E2F3: variants seen among roughly 807,000 people sequenced by gnomAD.
E2F3 encodes E2F transcription factor 3, also known as transcription factor E2F3.
Under a neutral mutation model 44.4 loss-of-function variants are expected in E2F3, and 11 were observed. The observed-to-expected ratio is 0.25, with a 90% CI of 0.16 to 0.41. The LOEUF is 0.41. Ranked by LOEUF, E2F3 falls within the 10% of genes least tolerant of loss-of-function variation. The pLI, the probability that E2F3 is intolerant of heterozygous loss-of-function variation, is 1.00. For synonymous variants in E2F3, 249 were observed against 253.0 expected (o/e 0.98, Z 0.15); for missense variants, 487 against 583.6 (o/e 0.83, Z 1.70).
At chr6:20,437,177 A>C (rs952726449) in intron 1 of E2F3, among the ~76,000 whole-genome samples, 2 of 152,254 alleles carry the variant, frequency 1.3e-5, no homozygotes, top group Admixed American at 6.5e-5. Flanking sequence ...ACTGAGAAAT[A>C]GAAGTCCCTT....
rs1759318884 is a variant in E2F3 at position 20,401,997 on chromosome 6, T to C, written c.-236T>C. ...CCGCCCCCGACGCCTCCATCCCCGC[T>C]TGGGGCCCGATATCCGTGCGGCCGG... On this transcript the variant is annotated 5_prime_UTR_variant, in exon 1 of 7. Transcript: ENST00000346618. 7 of 586,898 alleles carry C rather than the reference T, an allele frequency of 1.2e-5. No homozygotes were observed. Among genetic ancestry groups the C allele is most frequent in the South Asian group, 4.5e-5 (1 of 22,010 alleles). 36.4% of individuals were successfully genotyped at this position (586,898 alleles called of 1,614,324 possible).
intron 1 of E2F3, among the ~76,000 whole-genome samples, chr6:20,472,068 A>ACACACACT (rs1320530650): frequency 4.1e-5 from 6 of 147,628 alleles, no homozygotes; most frequent in African/African-American, 1.3e-4. Flanking sequence ...ACACACACAC[A>ACACACACT]CTCACATCTA....
Position 20,492,351 on chromosome 6 carries a change from C to T in E2F3, c.*1921C>T, listed in dbSNP as rs558333687. 1.3e-5 allele frequency: 3 copies of T among 233,572 alleles called. No homozygotes were observed. The highest frequency in any genetic ancestry group is 6.6e-5 in the African/African-American group (3 of 45,424). The allele number at this position is 233,572 out of a possible 1,614,324, so 14.5% of individuals were successfully genotyped here. On this transcript the variant is annotated 3_prime_UTR_variant, in exon 7 of 7. Coordinates refer to ENST00000346618, the MANE Select transcript of E2F3 (RefSeq NM_001949.5). ...CCTTTTTTTCTTCTTCAGCCTCCAT[C>T]CCTGGCCTCCTCCCCTCACACACAC...
intron 2 of E2F3, 42 bp downstream of exon 2, chr6:20,479,999 G>T (rs1408093797): frequency 1.3e-6 from 2 of 1,556,708 alleles, no homozygotes; most frequent in Non-Finnish European, 1.7e-6. Flanking sequence ...CCTTGGTATG[G>T]CATTTCCAAG....
At chr6:20,463,039 T>G (rs745920160) in intron 1 of E2F3, among the ~76,000 whole-genome samples, 1 of 151,776 alleles carries the variant, frequency 6.6e-6, no homozygotes, top group Non-Finnish European at 1.5e-5. Context: ...ATCCTCCCAC[T>G]TTAACCTCTA....
chr6:20,415,064 C>A (rs1253186949), intron 1 of E2F3, among the ~76,000 whole-genome samples: 2 of 152,198 alleles, frequency 1.3e-5, no homozygotes, highest in Non-Finnish European at 2.9e-5. Flanking sequence ...CTTGTCAAAT[C>A]TGAACTCTCG....
intron 1 of E2F3, chr6:20,440,288 A>G (rs1427084375): frequency 6.6e-6 from 1 of 152,234 alleles, no homozygotes; most frequent in African/African-American, 2.4e-5. Flanking sequence ...GTTATCCAAA[A>G]AAATTAAAAT....
chr6:20,472,357 G>T (rs1055602374), intron 1 of E2F3, among the ~76,000 whole-genome samples: 14 of 152,142 alleles, frequency 9.2e-5, no homozygotes, highest in Non-Finnish European at 1.8e-4. Context: ...GGGTGTCATG[G>T]TCACTGACAA....
chr6:20,480,585 T>G (rs1055444128), intron 2 of E2F3, among the ~76,000 whole-genome samples: 1 of 152,244 alleles, frequency 6.6e-6, no homozygotes, highest in Non-Finnish European at 1.5e-5. Context: ...ATTAAAACCT[T>G]GACCTGTGCA....
intron 1 of E2F3, among the ~76,000 whole-genome samples, chr6:20,420,500 G>A (rs1364355413): frequency 2.0e-5 from 3 of 151,948 alleles, no homozygotes; most frequent in Admixed American, 2.0e-4. Context: ...GATATTGCAG[G>A]TCTGATTCCA....
Position 20,491,460 on chromosome 6 carries a change from C to A in E2F3, c.*1030C>A. ...CATTCCCAGGAGGGGGAGCTTGGAG[C>A]GAGTCAGTCCTGGGGCTTGCTGACA... On this transcript the variant is annotated 3_prime_UTR_variant, in exon 7 of 7. Coordinates refer to ENST00000346618, the MANE Select transcript of E2F3 (RefSeq NM_001949.5). 1 of 223,136 alleles carries A rather than the reference C, an allele frequency of 4.5e-6. No homozygotes were observed. The highest frequency in any genetic ancestry group is 9.0e-6 in the Non-Finnish European group (1 of 111,434). The allele number at this position is 223,136 out of a possible 1,614,324, so 13.8% of individuals were successfully genotyped here.
In E2F3 at chr6:20,472,635, C is replaced by A. The variant is rs542978625; in HGVS notation, c.394-7211C>A. ...GAACCATGATCACACCACCGCCCTCCAGCTTGGGTAACAAAGCTAGACCCT... is the reference window on the plus strand; with the variant it reads ...GAACCATGATCACACCACCGCCCTCAAGCTTGGGTAACAAAGCTAGACCCT... On this transcript the variant is annotated intron_variant, in intron 1 of 6. Transcript: ENST00000346618. Among the ~76,000 whole-genome samples, 40 of 152,212 alleles carry A rather than the reference C, an allele frequency of 2.6e-4. No individual in the cohort carries two copies. The South Asian group carries it at 2.7e-3, about 10-fold the overall frequency.
At chr6:20,485,086 G>A (rs944798096) in intron 4 of E2F3, among the ~76,000 whole-genome samples, 3 of 151,788 alleles carry the variant, frequency 2.0e-5, no homozygotes, top group African/African-American at 7.3e-5. Context: ...TATACTACCT[G>A]CTGAAATGCC....
At chr6:20,460,585 C>A (rs1018707348) in intron 1 of E2F3, among the ~76,000 whole-genome samples, 11 of 152,082 alleles carry the variant, frequency 7.2e-5, no homozygotes, top group African/African-American at 2.4e-4. Flanking sequence ...TTTTAACTTA[C>A]CCCTGTTGAT....
At chr6:20,464,603 C>A (rs759129700) in intron 1 of E2F3, among the ~76,000 whole-genome samples, 23 of 152,202 alleles carry the variant, frequency 1.5e-4, no homozygotes, top group Non-Finnish European at 2.6e-4. Context: ...CTGCTCTACG[C>A]CCTGTGGCCT....
At chr6:20,430,270 T>C (rs530564366) in intron 1 of E2F3, among the ~76,000 whole-genome samples, 1 of 152,212 alleles carries the variant, frequency 6.6e-6, no homozygotes, top group Non-Finnish European at 1.5e-5. Flanking sequence ...TTGTTTGAAA[T>C]TCTAATTTAA....
chr6:20,457,827 C>A (rs1335440783), intron 1 of E2F3, among the ~76,000 whole-genome samples: 1 of 152,128 alleles, frequency 6.6e-6, no homozygotes, highest in Non-Finnish European at 1.5e-5. Flanking sequence ...TCATCCCTTT[C>A]CTGCAGCAAC....
rs565426115 is a variant in E2F3, at chr6:20,486,205, G to A, written c.885-484G>A. Among the ~76,000 whole-genome samples, 8 of 152,242 alleles carry A rather than the reference G, an allele frequency of 5.3e-5. No homozygotes were observed. In the South Asian group the frequency reaches 1.0e-3, roughly 20 times the overall value. ...GATAAAGCTATTCATTTCTTTAGTT[G>A]TTTAGAGTGTCAACCAGAAATGAAG... On this transcript the variant is annotated intron_variant, in intron 4 of 6. Transcript: ENST00000346618.
intron 1 of E2F3, among the ~76,000 whole-genome samples, chr6:20,430,399 A>G (rs1403229390): frequency 6.6e-6 from 1 of 152,204 alleles, no homozygotes; most frequent in Non-Finnish European, 1.5e-5. Flanking sequence ...GCATAACTTT[A>G]TCTTGGATGT....
Sources: allele counts gnomAD v4.1 joint callset (sites outside exome capture counted in the v4.1 genomes callset), GRCh38; gene constraint gnomAD v4.1.1; transcripts MANE v1.5; gene names NCBI Gene and HGNC (gene_info 2026-07-23, HGNC 2026-07-21).